The following VAV2 variants were observed in gnomAD, a reference collection of about 807,000 sequenced individuals.
VAV2 encodes the protein guanine nucleotide exchange factor VAV2.
In VAV2, 67 loss-of-function variants were observed where a neutral mutation model predicts 132.5. That is an observed-to-expected ratio of 0.51 (90% confidence interval 0.42 to 0.62). The LOEUF (loss-of-function observed/expected upper bound fraction) is 0.62. Ranked by LOEUF, VAV2 falls within the 20% of genes least tolerant of loss-of-function variation. VAV2 has a pLI of 0.00. For synonymous variants in VAV2, 492 were observed against 443.5 expected, an observed-to-expected ratio of 1.11 and a Z score of -1.37; for missense variants, 938 against 1,153.6, an observed-to-expected ratio of 0.81 and a Z score of 2.71.
chr9:133,793,229 G>A (rs1384395606), intron 12 of VAV2, among the ~76,000 whole-genome samples: 2 of 152,042 alleles, frequency 1.3e-5, no homozygotes, highest in African/African-American at 2.4e-5. Context: ...GGCCCACAGC[G>A]GAACCCAAGG....
chr9:133,845,847 G>C (rs1220972366), intron 3 of VAV2, among the ~76,000 whole-genome samples: 1 of 152,196 alleles, frequency 6.6e-6, no homozygotes, highest in Non-Finnish European at 1.5e-5. Flanking sequence ...AGGTTTCCAG[G>C]AGAGCCCTGG....
At position 133,872,310 on chromosome 9, in the gene VAV2, C is replaced by A. The variant is rs142559259; in HGVS notation, c.322-10878G>T. 2.6e-5 allele frequency among the ~76,000 whole-genome samples: 4 copies of A among 152,348 alleles called. No individual in the cohort carries two copies. The East Asian group carries it at 5.8e-4, about 22-fold the overall frequency. On this transcript the variant is annotated intron_variant, in intron 2 of 29. Coordinates refer to ENST00000371850, the MANE Select transcript of VAV2 (RefSeq NM_001134398.2). ...TCCCTGCATGCTCGGCTCCCAGCAC[C>A]CACGTCCTCCATGTTTCCATGGCTG...
intron 1 of VAV2, among the ~76,000 whole-genome samples, chr9:133,980,024 A>G (rs1393776284): frequency 6.6e-6 from 1 of 152,230 alleles, no homozygotes; most frequent in Non-Finnish European, 1.5e-5. Flanking sequence ...GCCACGAGCC[A>G]GTGCGCGACA....
intron 2 of VAV2, among the ~76,000 whole-genome samples, chr9:133,907,956 GTGGAGGGT>G: frequency 1.6e-5 from 2 of 125,966 alleles, no homozygotes; most frequent in Non-Finnish European, 3.4e-5. Context: ...CCCCCAGAGA[GTGGAGGGT>G]CTGAAGGCGC....
rs1426801712 is a variant in VAV2, at chr9:133,840,476, C to T, written c.381-6136G>A. Among the ~76,000 whole-genome samples the T allele has an allele frequency of 6.6e-6, 1 of 152,180 alleles. No homozygotes were observed. Among genetic ancestry groups the T allele is most frequent in the Non-Finnish European group, 1.5e-5 (1 of 68,036 alleles). On this transcript the variant is annotated intron_variant, in intron 3 of 29. Transcript: ENST00000371850. The surrounding 1 kb of genome is among the most constrained non-coding windows in gnomAD (Gnocchi z 4.5). ...AGGAGCTCCCCCAGCCCCCAACAGG[C>T]CTTCCCCATGAGCTCAATTCTGGGC...
At chr9:133,806,233 CG>C in intron 8 of VAV2, 52 bp from the exon 9 acceptor site, 1 of 1,551,874 alleles carries the variant, frequency 6.4e-7, no homozygotes, top group Non-Finnish European at 8.8e-7. Context: ...CAAGGCTAGA[CG>C]GGAGCGCCGC....
rs934308788 is a variant in VAV2 at position 133,875,541 on chromosome 9, G to T, written c.322-14109C>A. The stretch of plus-strand genomic sequence containing the variant: ...CTGCCTGGAGGAGGCGCAGGCCTAT[G>T]ATAAAGTAGCAAAGAAACAGGCGAT... On this transcript the variant is annotated intron_variant, in intron 2 of 29. Transcript: ENST00000371850. Among the ~76,000 whole-genome samples, 12 of 152,226 alleles carry T rather than the reference G, an allele frequency of 7.9e-5. 1 individual carries two copies. The highest frequency in any genetic ancestry group is 7.2e-4 in the Admixed American group (11 of 15,286).
Position 133,834,373 on chromosome 9 carries a change from G to C in VAV2, c.381-33C>G, listed in dbSNP as rs748037731. 2 of 1,603,896 alleles carry C rather than the reference G, an allele frequency of 1.2e-6. No homozygotes were observed. Among genetic ancestry groups the C allele is most frequent in the Non-Finnish European group, 1.7e-6 (2 of 1,174,900 alleles). ...AGAGAAGGCGAGAGGGAGGTGAGCA[G>C]GTCCCGGCACTGCCGGCCAGTGGGA... On this transcript the variant is annotated intron_variant, in intron 3 of 29. Coordinates refer to ENST00000371850, the MANE Select transcript of VAV2 (RefSeq NM_001134398.2). The surrounding 1 kb of genome is among the most constrained non-coding windows in gnomAD (Gnocchi z 5.9).
chr9:133,838,467 G>T (rs1322289283), intron 3 of VAV2, among the ~76,000 whole-genome samples: 1 of 102,658 alleles, frequency 9.7e-6, no homozygotes, highest in African/African-American at 4.8e-5. Flanking sequence ...AGGTGGGTGG[G>T]TGGGTGGGTG....
chr9:133,843,588 A>T (rs553067492), intron 3 of VAV2, among the ~76,000 whole-genome samples: 1 of 151,890 alleles, frequency 6.6e-6, no homozygotes, highest in African/African-American at 2.4e-5. Context: ...AGGGCCCTAC[A>T]CCCCCTGGCC....
intron 2 of VAV2, among the ~76,000 whole-genome samples, chr9:133,920,611 C>T (rs999368535): frequency 1.2e-4 from 18 of 152,202 alleles, no homozygotes; most frequent in African/African-American, 3.1e-4. Context: ...GTGTCCCTCC[C>T]TCTGAGCGCC....
chr9:133,832,336 C>G (rs1036552388), intron 4 of VAV2, among the ~76,000 whole-genome samples: 1 of 152,152 alleles, frequency 6.6e-6, no homozygotes, highest in Non-Finnish European at 1.5e-5. Context: ...AGGAAGGGTA[C>G]AGGGGGGTAT....
At chr9:133,985,852 A>G (rs189785851) in intron 1 of VAV2, among the ~76,000 whole-genome samples, 1 of 152,338 alleles carries the variant, frequency 6.6e-6, no homozygotes, top group Admixed American at 6.5e-5. Flanking sequence ...GAGCATCAAT[A>G]TAAATAATGA....
chr9:133,932,342 C>A (rs548191670), intron 2 of VAV2, among the ~76,000 whole-genome samples: 49 of 152,344 alleles, frequency 3.2e-4, no homozygotes, highest in Non-Finnish European at 6.0e-4. Flanking sequence ...TCACCCTTCA[C>A]GCTCGGCCAT....
intron 2 of VAV2, among the ~76,000 whole-genome samples, chr9:133,906,170 T>A (rs1839645704): frequency 6.6e-6 from 1 of 152,208 alleles, no homozygotes; most frequent in African/African-American, 2.4e-5. Flanking sequence ...TGCTGGCCCC[T>A]CCATGGCCTG....
intron 6 of VAV2, 46 bp downstream of exon 6, chr9:133,810,145 A>G: frequency 6.2e-7 from 1 of 1,611,936 alleles, no homozygotes; most frequent in Non-Finnish European, 8.5e-7. Flanking sequence ...GGTCAAGAAG[A>G]CGGCGCAGGC....
chr9:133,856,425 GCCC>G (rs771961026), intron 3 of VAV2, among the ~76,000 whole-genome samples: 18 of 145,834 alleles, frequency 1.2e-4, no homozygotes, highest in East Asian at 5.8e-4. Flanking sequence ...GCTGGTATGT[GCCC>G]CCCACCGGGA....
At chr9:133,805,581 C>G (rs367624634) in intron 9 of VAV2, among the ~76,000 whole-genome samples, 1 of 151,440 alleles carries the variant, frequency 6.6e-6, no homozygotes, top group African/African-American at 2.4e-5. Flanking sequence ...GCCTGGGCAT[C>G]GTCTAAGCTC....
rs1054957230 is a variant in VAV2, at chr9:133,840,241, G to A, written c.381-5901C>T. On this transcript the variant is annotated intron_variant, in intron 3 of 29. Transcript: ENST00000371850. The surrounding 1 kb of genome is among the most constrained non-coding windows in gnomAD (Gnocchi z 4.5). ...CATGCATTTCCTCGTGCCCGGCTTC[G>A]GGAAGCAGAGTTTCCCACTGCACCG... 3.9e-5 allele frequency among the ~76,000 whole-genome samples: 6 copies of A among 152,158 alleles called. No homozygotes were observed. Among genetic ancestry groups the A allele is most frequent in the African/African-American group, 9.7e-5 (4 of 41,422 alleles).
Sources: gnomAD v4.1 joint callset for allele counts (sites outside exome capture counted in the v4.1 genomes callset) on GRCh38, gnomAD v4.1.1 for gene constraint, Gnocchi (gnomAD v3.1) non-coding constraint, MANE v1.5 for transcripts, NCBI Gene and HGNC (gene_info 2026-07-23, HGNC 2026-07-21) for gene names.